The following MED12L variants were observed in gnomAD, a reference collection of about 807,000 sequenced individuals.
MED12L encodes the protein mediator of RNA polymerase II transcription subunit 12-like protein.
In MED12L, 60 loss-of-function variants were observed where a neutral mutation model predicts 281.3. The ratio of observed to expected loss-of-function variants is 0.21; its 90% CI spans 0.17 to 0.26. The LOEUF (loss-of-function observed/expected upper bound fraction) is 0.26, where lower values mean the gene tolerates loss of function less well. Ranked by LOEUF, MED12L falls within the 10% of genes least tolerant of loss-of-function variation. The probability of loss-of-function intolerance (pLI) is 1.00; values close to 1 mark genes in which losing one functional copy is unlikely to be tolerated. For synonymous variants in MED12L, 974 were observed against 987.2 expected, an observed-to-expected ratio of 0.99 and a Z score of 0.25; for missense variants, 2,146 against 2,680.9, an observed-to-expected ratio of 0.80 and a Z score of 4.41.
intron 16 of MED12L, among the ~76,000 whole-genome samples, chr3:151,234,725 C>T (rs1732373479): frequency 6.6e-6 from 1 of 152,210 alleles, no homozygotes; most frequent in African/African-American, 2.4e-5. Flanking sequence ...CCTGTATGTT[C>T]TTAACTTGGT....
intron 5 of MED12L, among the ~76,000 whole-genome samples, chr3:151,148,473 T>G (rs1352808279): frequency 6.6e-6 from 1 of 152,250 alleles, no homozygotes; most frequent in Non-Finnish European, 1.5e-5. Context: ...TCATTCAGTC[T>G]GCACCAACGT....
chr3:151,105,064 C>T (rs1446342210), intron 2 of MED12L, among the ~76,000 whole-genome samples: 4 of 152,178 alleles, frequency 2.6e-5, no homozygotes, highest in Non-Finnish European at 5.9e-5. Context: ...CCGAATTCTA[C>T]CCATCACAGT....
chr3:151,399,733 A>G lies in MED12L; in HGVS notation c.5820+4866A>G, dbSNP rs1715423156. ...TATACTCGGTATTTTTCTTTTGACA[A>G]CAGGAACTTTTTTTCAGCTCACCTC... On this transcript the variant is annotated intron_variant, in intron 39 of 44. Coordinates refer to ENST00000687756, the MANE Select transcript of MED12L (RefSeq NM_001393769.1). Among the ~76,000 whole-genome samples the G allele has an allele frequency of 3.9e-5, 6 of 152,294 alleles. No homozygotes were observed. In the South Asian group the frequency reaches 1.2e-3, roughly 32 times the overall value.
At chr3:151,262,053 G>A (rs759799500) in intron 16 of MED12L, among the ~76,000 whole-genome samples, 6 of 152,150 alleles carry the variant, frequency 3.9e-5, no homozygotes, top group Non-Finnish European at 5.9e-5. Context: ...TAACAAACAT[G>A]TTAAAGTTTG....
At chr3:151,141,178 G>GTTTTTTTTTTTTTTTTTT (rs370095367) in intron 5 of MED12L, among the ~76,000 whole-genome samples, 1 of 102,228 alleles carries the variant, frequency 9.8e-6, no homozygotes, top group Non-Finnish European at 1.9e-5. Context: ...TTTTTTTTTT[G>GTTTTTTTTTTTTTTTTTT]TTTTTTTTGT....
At chr3:151,419,962 C>T (rs1054902241) in intron 43 of MED12L, among the ~76,000 whole-genome samples, 23 of 152,286 alleles carry the variant, frequency 1.5e-4, no homozygotes, top group African/African-American at 5.1e-4. Context: ...GCCACTGTCA[C>T]GTGGTCATAG....
At chr3:151,298,888 C>A (rs1004429016) in intron 16 of MED12L, among the ~76,000 whole-genome samples, 2 of 152,196 alleles carry the variant, frequency 1.3e-5, no homozygotes, top group Non-Finnish European at 2.9e-5. Context: ...CCACATCTGG[C>A]TACTGTATTG....
At chr3:151,295,699 G>A (rs922922008) in intron 16 of MED12L, among the ~76,000 whole-genome samples, 12 of 152,172 alleles carry the variant, frequency 7.9e-5, no homozygotes, top group Non-Finnish European at 1.6e-4. Context: ...TTAAGAAGCT[G>A]TAAAACTAGT....
At chr3:151,233,680 C>T (rs1732164804) in intron 16 of MED12L, among the ~76,000 whole-genome samples, 1 of 152,190 alleles carries the variant, frequency 6.6e-6, no homozygotes, top group Admixed American at 6.5e-5. Context: ...TTGTGGTGAG[C>T]CGAGATCGTG....
chr3:151,223,882 T>C (rs1729930063), intron 16 of MED12L, among the ~76,000 whole-genome samples: 1 of 152,202 alleles, frequency 6.6e-6, no homozygotes, highest in Non-Finnish European at 1.5e-5. Context: ...GGGAGGGAAG[T>C]AGGAGCAAGT....
intron 16 of MED12L, among the ~76,000 whole-genome samples, chr3:151,335,726 C>T (rs1054470061): frequency 6.6e-6 from 1 of 152,176 alleles, no homozygotes; most frequent in Non-Finnish European, 1.5e-5. Context: ...AACTCTCACA[C>T]TGTTTTGAAT....
chr3:151,125,862 G>T lies in MED12L; in HGVS notation c.397-1963G>T, dbSNP rs543741609. ...AAGAGATAAAATTTAGTATCTGTCT[G>T]CAGAGAGGAAGCCTTCTAGCGTTGG... On this transcript the variant is annotated intron_variant, in intron 4 of 44. Transcript: ENST00000687756. Among the ~76,000 whole-genome samples, 4 of 152,194 alleles carry T rather than the reference G, an allele frequency of 2.6e-5. No homozygotes were observed. In the South Asian group the frequency reaches 8.3e-4, roughly 32 times the overall value.
At chr3:151,116,085 AAAG>A (rs1287365198) in intron 2 of MED12L, among the ~76,000 whole-genome samples, 3 of 149,342 alleles carry the variant, frequency 2.0e-5, no homozygotes, top group African/African-American at 7.5e-5. Context: ...AAAAAAAAAA[AAAG>A]AATAGTATAA....
At chr3:151,244,881 T>TA (rs1295431127) in intron 16 of MED12L, among the ~76,000 whole-genome samples, 13 of 150,576 alleles carry the variant, frequency 8.6e-5, no homozygotes, top group African/African-American at 3.2e-4. Flanking sequence ...GCAAGACTAA[T>TA]AAAGAAAAAA....
At chr3:151,245,133 T>C (rs539102707) in intron 16 of MED12L, among the ~76,000 whole-genome samples, 1 of 152,174 alleles carries the variant, frequency 6.6e-6, no homozygotes, top group African/African-American at 2.4e-5. Flanking sequence ...ACCAATAGCT[T>C]AGCAACCAAA....
At position 151,141,189 on chromosome 3, in the gene MED12L, T is replaced by TTTTTTTTTTTTTG. The variant is rs1553808533; in HGVS notation, c.556+13216_556+13217insTGTTTTTTTTTTT. 0.013 allele frequency among the ~76,000 whole-genome samples: 1,818 copies of TTTTTTTTTTTTTG among 138,002 alleles called. 76 individuals carry two copies. In the East Asian group the frequency reaches 0.13, roughly 10 times the overall value. 90.5% of individuals were successfully genotyped at this position (138,002 alleles called of 152,430 possible). ...GCGTTTTTTTTTTTGTTTTTTTTGT[T>TTTTTTTTTTTTTG]TTTTTTTTTTTGTTAGTAGAGACGG... On this transcript the variant is annotated intron_variant, in intron 5 of 44. Coordinates refer to ENST00000687756, the MANE Select transcript of MED12L (RefSeq NM_001393769.1).
At chr3:151,097,405 G>GT (rs1720854737) in intron 2 of MED12L, among the ~76,000 whole-genome samples, 1 of 152,168 alleles carries the variant, frequency 6.6e-6, no homozygotes, top group South Asian at 2.1e-4. Context: ...GCAAATGACT[G>GT]AGCACCTTGT....
chr3:151,193,450 T>G, intron 15 of MED12L, 40 bp from the exon 16 acceptor site: 3 of 1,572,116 alleles, frequency 1.9e-6, no homozygotes, highest in Non-Finnish European at 2.6e-6. Context: ...TTTTGCTGGC[T>G]TTCATTTACA....
intron 16 of MED12L, among the ~76,000 whole-genome samples, chr3:151,208,646 C>G (rs923821966): frequency 4.6e-5 from 7 of 152,006 alleles, no homozygotes; most frequent in Admixed American, 3.9e-4. Flanking sequence ...CCACTGCACT[C>G]CAGCCTGGGG....
Sources: gnomAD v4.1 joint callset for allele counts (sites outside exome capture counted in the v4.1 genomes callset) on GRCh38, gnomAD v4.1.1 for gene constraint, MANE v1.5 for transcripts, NCBI Gene and HGNC (gene_info 2026-07-23, HGNC 2026-07-21) for gene names.